ZNF212: variants seen among roughly 807,000 people sequenced by gnomAD.
ZNF212 encodes Zinc finger protein C2H2-150.
In ZNF212, 32 loss-of-function variants were observed where a neutral mutation model predicts 47.3. The observed-to-expected ratio is 0.68, with a 90% CI of 0.51 to 0.91. The LOEUF (loss-of-function observed/expected upper bound fraction) is 0.91. Ranked by LOEUF, ZNF212 falls within the 40% of genes least tolerant of loss-of-function variation. The pLI is 0.00. For synonymous variants in ZNF212, 242 were observed against 253.8 expected, an observed-to-expected ratio of 0.95 and a Z score of 0.44; for missense variants, 555 against 622.8, an observed-to-expected ratio of 0.89 and a Z score of 1.16.
In ZNF212 at chr7:149,254,325, G is replaced by A; in HGVS notation, c.1398G>A (p.Gln466=). The A allele has an allele frequency of 1.2e-6, 2 of 1,613,504 alleles. No homozygotes were observed. The highest frequency in any genetic ancestry group is 1.7e-6 in the Non-Finnish European group (2 of 1,180,034). Residue 466 remains glutamine (Q), a synonymous_variant, in exon 5 of 5, where the codon CAG becomes CAA. Transcript: ENST00000335870. This position sits in a 1 kb window ranked among gnomAD's most constrained non-coding sequence, Gnocchi z 4.5. ...CTGAGTGTGAGAAGAGCTTTGTCCA[G>A]AAGCAGCACCTCCTGCAGCACCAGA... ...SCTECEKSFV[Q]KQHLLQHQKI...
intron 1 of ZNF212, among the ~76,000 whole-genome samples, chr7:149,246,754 A>G (rs1019639880): frequency 1.3e-5 from 2 of 148,956 alleles, no homozygotes; most frequent in African/African-American, 2.5e-5. Context: ...CTGTCCCTAT[A>G]GTTTGCTTTT....
intron 4 of ZNF212, 91 bp from the exon 5 acceptor site, chr7:149,253,468 G>C: frequency 6.8e-7 from 1 of 1,470,336 alleles, no homozygotes; most frequent in South Asian, 1.4e-5. Flanking sequence ...TTCCTGGGGT[G>C]CTTCTGAAAT....
In ZNF212 at chr7:149,254,566, C is replaced by T; in HGVS notation, c.*151C>T. On this transcript the variant is annotated 3_prime_UTR_variant, in exon 5 of 5. Transcript: ENST00000335870. This position sits in a 1 kb window ranked among gnomAD's most constrained non-coding sequence, Gnocchi z 4.5. ...GTACCAAGCCAAGCCCAAAGGCTGT[C>T]CTGAAAACCCTGTGGAAGAAGAGTC... 8.3e-7 allele frequency: 1 copy of T among 1,210,438 alleles called. No individual in the cohort carries two copies. Among genetic ancestry groups the T allele is most frequent in the Non-Finnish European group, 1.1e-6 (1 of 898,836 alleles). The allele number at this position is 1,210,438 out of a possible 1,614,324, so 75.0% of individuals were successfully genotyped here.
At position 149,239,654 on chromosome 7, in the gene ZNF212, A is replaced by T; in HGVS notation, c.-125A>T. On this transcript the variant is annotated 5_prime_UTR_variant, in exon 1 of 5. It removes an upstream start codon present in the reference 5' UTR. Transcript: ENST00000335870. ...TGCCGGGGAGGTCGCTGCTCCCAGA[A>T]TGCACCTGGCATCAACACGGCGGCG... 9.8e-7 allele frequency: 1 copy of T among 1,016,956 alleles called. No individual in the cohort carries two copies. Among genetic ancestry groups the T allele is most frequent in the Non-Finnish European group, 1.3e-6 (1 of 784,714 alleles). The allele number at this position is 1,016,956 out of a possible 1,614,324, so 63.0% of individuals were successfully genotyped here. A position where few individuals can be genotyped will look rare whatever the true frequency, so the allele number is the denominator to read the frequency against.
rs935587743 is a variant in ZNF212, at chr7:149,254,690, C to T, written c.*275C>T. 5 of 427,568 alleles carry T rather than the reference C, an allele frequency of 1.2e-5. No individual in the cohort carries two copies. Among genetic ancestry groups the T allele is most frequent in the African/African-American group, 4.0e-5 (2 of 49,754 alleles). 26.5% of individuals were successfully genotyped at this position (427,568 alleles called of 1,614,324 possible). ...GCCAATGCTTGTGGGCTGGGGTTGG[C>T]GTTCTGACCCCACAGGGACTGGTGG... On this transcript the variant is annotated 3_prime_UTR_variant, in exon 5 of 5. Coordinates refer to ENST00000335870, the MANE Select transcript of ZNF212 (RefSeq NM_012256.4). The surrounding 1 kb of genome is among the most constrained non-coding windows in gnomAD (Gnocchi z 4.5).
Position 149,250,166 on chromosome 7 carries a change from G to A in ZNF212, c.32G>A (p.Arg11Lys). 6.5e-7 allele frequency: 1 copy of A among 1,527,094 alleles called. No homozygotes were observed. 94.6% of individuals were successfully genotyped at this position (1,527,094 alleles called of 1,614,324 possible). MAESAPARHR[R>K]KRRSTPLTSS... is the part of the protein sequence containing the mutation. ...GTGTCTTTAATCCATCAGCACAGGA[G>A]AAAACGACGCTCCACACCTTTAACT... The change falls in exon 2 of 5, where the codon AGA becomes AAA. Residue 11 changes from arginine (R) to lysine (K), a missense_variant. Arg to Lys is a conservative substitution (Grantham distance 26). Coordinates refer to ENST00000335870, the MANE Select transcript of ZNF212 (RefSeq NM_012256.4).
Position 149,239,733 on chromosome 7 carries a change from CG to C in ZNF212, c.-41del. 4 of 1,277,494 alleles carry C rather than the reference CG, an allele frequency of 3.1e-6. No homozygotes were observed. Among genetic ancestry groups the C allele is most frequent in the Non-Finnish European group, 4.0e-6 (4 of 1,006,310 alleles). 79.1% of individuals were successfully genotyped at this position (1,277,494 alleles called of 1,614,324 possible). On this transcript the variant is annotated 5_prime_UTR_variant, in exon 1 of 5. Coordinates refer to ENST00000335870, the MANE Select transcript of ZNF212 (RefSeq NM_012256.4). ...GCGCCGAGCGGACAGGAACGCAGCA[CG>C]GGGGCTCCGAGGCGGGGTCTGGGTG...
chr7:149,246,011 A>G (rs907052394), intron 1 of ZNF212, among the ~76,000 whole-genome samples: 1 of 152,064 alleles, frequency 6.6e-6, no homozygotes, highest in African/African-American at 2.4e-5. Flanking sequence ...TCACTTAGTT[A>G]TATTTGGATT....
chr7:149,252,648 C>G lies in ZNF212; in HGVS notation c.542-58C>G. ...GTCATCTTGGTCACTGGCAGCTGAT[C>G]AGTGTGCAGTGAGCTTTCACTCTCT... On this transcript the variant is annotated intron_variant, in intron 3 of 4. Coordinates refer to ENST00000335870, the MANE Select transcript of ZNF212 (RefSeq NM_012256.4). 15 of 1,515,512 alleles carry G rather than the reference C, an allele frequency of 9.9e-6. No homozygotes were observed. The South Asian group carries it at 1.6e-4, about 16-fold the overall frequency. 93.9% of individuals were successfully genotyped at this position (1,515,512 alleles called of 1,614,324 possible).
At chr7:149,242,246 TC>T (rs1796603840) in intron 1 of ZNF212, among the ~76,000 whole-genome samples, 1 of 151,722 alleles carries the variant, frequency 6.6e-6, no homozygotes, top group South Asian at 2.1e-4. Flanking sequence ...GTCTCTGAAC[TC>T]CTGACCTCAG....
intron 1 of ZNF212, among the ~76,000 whole-genome samples, chr7:149,243,280 C>T (rs1427669892): frequency 2.0e-5 from 3 of 151,766 alleles, no homozygotes; most frequent in Non-Finnish European, 4.4e-5. Flanking sequence ...GTAGTCCCAG[C>T]TTCTTGGGAG....
Position 149,253,715 on chromosome 7 carries a change from CAG to C in ZNF212, c.789_790del (p.Gly264SerfsTer12), listed in dbSNP as rs1796793115. The C allele has an allele frequency of 6.2e-7, 1 of 1,614,038 alleles. No individual in the cohort carries two copies. The highest frequency in any genetic ancestry group is 1.3e-5 in the African/African-American group (1 of 74,916). ...CAGGGCAGTTCTGTCCTCTTGGAAA[CAG>C]GTCCTGGGGACTCTACTCTAGAGGA... On this transcript the variant is annotated frameshift_variant, in exon 5 of 5. Transcript: ENST00000335870. LOFTEE classifies it high-confidence loss of function.
Position 149,250,719 on chromosome 7 carries a change from C to T in ZNF212, c.453C>T (p.Thr151=), listed in dbSNP as rs538640431. 1.1e-5 allele frequency: 17 copies of T among 1,614,150 alleles called. No individual in the cohort carries two copies. In the East Asian group the frequency reaches 1.6e-4, roughly 15 times the overall value. ...TGGAGAATGATGGCGTCTGTTTCACCGAGCAGGAATGGGAGAATCTGGAGG... is the reference window on the plus strand; with the variant it reads ...TGGAGAATGATGGCGTCTGTTTCACTGAGCAGGAATGGGAGAATCTGGAGG... ...RSLENDGVCF[T]EQEWENLEDW... is the part of the protein sequence containing the mutation. The change falls in exon 3 of 5, where the codon ACC becomes ACT. Residue 151 remains threonine, a synonymous_variant. Coordinates refer to ENST00000335870, the MANE Select transcript of ZNF212 (RefSeq NM_012256.4).
intron 1 of ZNF212, among the ~76,000 whole-genome samples, chr7:149,246,664 A>G (rs1483817740): frequency 1.3e-5 from 2 of 150,052 alleles, no homozygotes; most frequent in South Asian, 4.2e-4. Context: ...TGCTGGGGTT[A>G]TAGGTGTGAG....
At chr7:149,240,615 T>C (rs1796574813) in intron 1 of ZNF212, among the ~76,000 whole-genome samples, 1 of 152,212 alleles carries the variant, frequency 6.6e-6, no homozygotes, top group Non-Finnish European at 1.5e-5. Flanking sequence ...TTAAGTTTCC[T>C]TCCAGCTCCG....
Position 149,254,317 on chromosome 7 carries a change from T to C in ZNF212, c.1390T>C (p.Phe464Leu), listed in dbSNP as rs753151136. Residue 464 changes from phenylalanine to leucine, a missense_variant, in exon 5 of 5, where the codon TTT becomes CTT. Coordinates refer to ENST00000335870, the MANE Select transcript of ZNF212 (RefSeq NM_012256.4). The surrounding 1 kb of genome is among the most constrained non-coding windows in gnomAD (Gnocchi z 4.5). ...PYSCTECEKS[F>L]VQKQHLLQHQ... ...CAGCTGCACTGAGTGTGAGAAGAGC[T>C]TTGTCCAGAAGCAGCACCTCCTGCA... The C allele has an allele frequency of 6.2e-7, 1 of 1,613,746 alleles. No homozygotes were observed. The highest frequency in any genetic ancestry group is 8.5e-7 in the Non-Finnish European group (1 of 1,180,026).
In ZNF212 at chr7:149,253,747, G is replaced by A. The variant is rs550484422; in HGVS notation, c.820G>A (p.Val274Ile). The change falls in exon 5 of 5, where the codon GTT becomes ATT. Residue 274 changes from valine to isoleucine, a missense_variant. Coordinates refer to ENST00000335870, the MANE Select transcript of ZNF212 (RefSeq NM_012256.4). ...GPGDSTLEEPVGSRVPSSSRT... is the reference protein window; with the variant it reads ...GPGDSTLEEPIGSRVPSSSRT... Reference sequence around the variant, plus strand: ...TGGGGACTCTACTCTAGAGGAGCCTGTTGGTAGTAGAGTTCCTAGCAGCAG... The same window carrying A: ...TGGGGACTCTACTCTAGAGGAGCCTATTGGTAGTAGAGTTCCTAGCAGCAG... 6.2e-7 allele frequency: 1 copy of A among 1,614,130 alleles called. No individual in the cohort carries two copies. Among genetic ancestry groups the A allele is most frequent in the Non-Finnish European group, 8.5e-7 (1 of 1,179,962 alleles).
chr7:149,255,502 G>A lies in ZNF212; in HGVS notation c.*1087G>A, dbSNP rs1474733633. On this transcript the variant is annotated 3_prime_UTR_variant, in exon 5 of 5. Transcript: ENST00000335870. ...AGTGTTGAATGTGTGCCCCGCTGCT[G>A]TCTGGGGGGATGGGAGTGGGCTCTG... The A allele has an allele frequency of 6.5e-6, 1 of 153,710 alleles. No individual in the cohort carries two copies. Among genetic ancestry groups the A allele is most frequent in the Non-Finnish European group, 1.5e-5 (1 of 68,070 alleles). 9.5% of individuals were successfully genotyped at this position (153,710 alleles called of 1,614,324 possible).
Position 149,239,716 on chromosome 7 carries a change from C to A in ZNF212, c.-63C>A. On this transcript the variant is annotated 5_prime_UTR_variant, in exon 1 of 5. Transcript: ENST00000335870. ...TTCCAACAGGCTCTGGGGCGCCGAGCGGACAGGAACGCAGCACGGGGGCTC... is the reference window on the plus strand; with the variant it reads ...TTCCAACAGGCTCTGGGGCGCCGAGAGGACAGGAACGCAGCACGGGGGCTC... 1 of 1,280,388 alleles carries A rather than the reference C, an allele frequency of 7.8e-7. No individual in the cohort carries two copies. The highest frequency in any genetic ancestry group is 9.9e-7 in the Non-Finnish European group (1 of 1,008,362). 79.3% of individuals were successfully genotyped at this position (1,280,388 alleles called of 1,614,324 possible).
Sources: gnomAD v4.1 joint callset for allele counts (sites outside exome capture counted in the v4.1 genomes callset) on GRCh38, gnomAD v4.1.1 for gene constraint, Gnocchi (gnomAD v3.1) non-coding constraint, MANE v1.5 for transcripts, NCBI Gene and HGNC (gene_info 2026-07-23, HGNC 2026-07-21) for gene names.